Variants in SLC1A3 observed in about 807,000 individuals in gnomAD.
SLC1A3 encodes the protein excitatory amino acid transporter 1.
A neutral mutation model predicts 48.1 loss-of-function variants in SLC1A3; 21 were observed. That is an observed-to-expected ratio of 0.44 (90% CI 0.31 to 0.63). The LOEUF is 0.63. Among genes scored for constraint, SLC1A3 ranks in the 20% least tolerant of loss-of-function variants. The pLI is 0.08. For missense variants in SLC1A3, 546 were observed against 689.0 expected, an observed-to-expected ratio of 0.79 and a Z score of 2.32; for synonymous variants, 239 against 251.4, an observed-to-expected ratio of 0.95 and a Z score of 0.47.
intron 2 of SLC1A3, among the ~76,000 whole-genome samples, chr5:36,611,053 TA>T (rs554359659): frequency 3.9e-5 from 6 of 152,142 alleles, no homozygotes; most frequent in Non-Finnish European, 7.3e-5. Context: ...CCAGTGAATA[TA>T]AAGGCTCTAT....
upstream of SLC1A3, among the ~76,000 whole-genome samples, chr5:36,605,724 T>A (rs1403142341): frequency 6.6e-6 from 1 of 152,184 alleles, no homozygotes; most frequent in East Asian, 1.9e-4. Flanking sequence ...AATTTTTTTT[T>A]ATTTTCTAAT....
chr5:36,676,765 A>G (rs756643948), intron 5 of SLC1A3, 127 bp from the exon 6 acceptor site: 15 of 723,324 alleles, frequency 2.1e-5, no homozygotes, highest in South Asian at 5.7e-5. Flanking sequence ...GAGACTTTCT[A>G]TAACACTCAT....
At chr5:36,637,589 C>A (rs1029764563) in intron 3 of SLC1A3, among the ~76,000 whole-genome samples, 2 of 152,108 alleles carry the variant, frequency 1.3e-5, no homozygotes, top group African/African-American at 4.8e-5. Context: ...GATTTTCCAC[C>A]CTTAAATTAT....
At chr5:36,643,730 C>T (rs561273142) in intron 3 of SLC1A3, among the ~76,000 whole-genome samples, 2 of 152,226 alleles carry the variant, frequency 1.3e-5, no homozygotes, top group South Asian at 4.1e-4. Flanking sequence ...CACGGTGGCT[C>T]ACACCTGTAA....
rs1156283585 is a variant in SLC1A3 at position 36,663,380 on chromosome 5, A to ATTTTTTTT, written c.320-7631_320-7624dup. ...ACAGGCATGCTCCACCACGCCCGGC[A>ATTTTTTTT]TTTTTTTTTTTTTTTTTTTTTTTTT... On this transcript the variant is annotated intron_variant, in intron 3 of 9. Coordinates refer to ENST00000265113, the MANE Select transcript of SLC1A3 (RefSeq NM_004172.5). Among the ~76,000 whole-genome samples, 210 of 69,334 alleles carry ATTTTTTTT rather than the reference A, an allele frequency of 3.0e-3. 1 individual carries two copies. The highest frequency in any genetic ancestry group is 3.8e-3 in the South Asian group (6 of 1,572). 45.5% of individuals were successfully genotyped at this position (69,334 alleles called of 152,430 possible).
At chr5:36,619,443 C>T (rs1306596526) in intron 2 of SLC1A3, among the ~76,000 whole-genome samples, 1 of 152,128 alleles carries the variant, frequency 6.6e-6, no homozygotes, top group Non-Finnish European at 1.5e-5. Flanking sequence ...AGTTTGAGAC[C>T]AGCCTGGGCA....
intron 3 of SLC1A3, among the ~76,000 whole-genome samples, chr5:36,664,245 T>C (rs1274454511): frequency 6.6e-6 from 1 of 152,164 alleles, no homozygotes; most frequent in Non-Finnish European, 1.5e-5. Flanking sequence ...GGGATTCTCC[T>C]GCCTCAGCCT....
At chr5:36,645,220 G>A (rs1311469926) in intron 3 of SLC1A3, among the ~76,000 whole-genome samples, 3 of 151,678 alleles carry the variant, frequency 2.0e-5, no homozygotes, top group Non-Finnish European at 4.4e-5. Flanking sequence ...TATCTGCAAG[G>A]AGAGCCCCTC....
At position 36,612,604 on chromosome 5, in the gene SLC1A3, A is replaced by AAAT. The variant is rs999530005; in HGVS notation, c.181+4022_181+4024dup. 343 of 153,152 alleles carry AAAT rather than the reference A, an allele frequency of 2.2e-3. 1 individual carries two copies. The highest frequency in any genetic ancestry group is 3.2e-3 in the Middle Eastern group (1 of 314). 9.5% of individuals were successfully genotyped at this position (153,152 alleles called of 1,614,324 possible). A position where few individuals can be genotyped will look rare whatever the true frequency, so the allele number is the denominator to read the frequency against. On this transcript the variant is annotated intron_variant, in intron 2 of 9. Coordinates refer to ENST00000265113, the MANE Select transcript of SLC1A3 (RefSeq NM_004172.5). ...ACCCTGTCTCCAAATAAGAAAAAAA[A>AAAT]AATAATAATAATAATAATAATAATG... is the stretch of plus-strand genomic sequence containing the variant.
upstream of SLC1A3, among the ~76,000 whole-genome samples, chr5:36,605,711 A>G (rs1013725328): frequency 2.0e-5 from 3 of 152,206 alleles, no homozygotes; most frequent in Admixed American, 2.0e-4. Flanking sequence ...GTCACCTCAA[A>G]AAAATTTTTT....
intron 5 of SLC1A3, among the ~76,000 whole-genome samples, chr5:36,675,755 A>G (rs1241657244): frequency 1.3e-5 from 2 of 152,186 alleles, no homozygotes; most frequent in Admixed American, 1.3e-4. Context: ...AGTGCTACTA[A>G]CTGTTCATGA....
intron 2 of SLC1A3, among the ~76,000 whole-genome samples, chr5:36,627,540 C>A (rs1430596315): frequency 1.3e-5 from 2 of 151,794 alleles, no homozygotes; most frequent in African/African-American, 4.8e-5. Flanking sequence ...ATATATTCAT[C>A]ATGATATGCT....
At chr5:36,657,472 A>T (rs545439827) in intron 3 of SLC1A3, among the ~76,000 whole-genome samples, 58 of 152,300 alleles carry the variant, frequency 3.8e-4, no homozygotes, top group African/African-American at 1.3e-3. Context: ...ACCTGCAAAG[A>T]TACCTGGTGA....
intron 2 of SLC1A3, among the ~76,000 whole-genome samples, chr5:36,628,913 G>A (rs969816648): frequency 6.6e-6 from 1 of 152,150 alleles, no homozygotes; most frequent in Non-Finnish European, 1.5e-5. Flanking sequence ...TAGACAGAGG[G>A]AGAAAATGTG....
At chr5:36,678,773 G>C (rs1431114091) in intron 6 of SLC1A3, among the ~76,000 whole-genome samples, 2 of 152,162 alleles carry the variant, frequency 1.3e-5, no homozygotes, top group African/African-American at 2.4e-5. Flanking sequence ...TCAGTTTATT[G>C]TCTGCAGAAG....
intron 3 of SLC1A3, among the ~76,000 whole-genome samples, chr5:36,658,882 GT>G (rs1396119635): frequency 6.6e-6 from 1 of 152,084 alleles, no homozygotes; most frequent in Non-Finnish European, 1.5e-5. Context: ...AAGCCACTAT[GT>G]TATGACTCTC....
At chr5:36,673,990 T>G in intron 4 of SLC1A3, 59 bp from the exon 5 acceptor site, 2 of 1,345,500 alleles carry the variant, frequency 1.5e-6, no homozygotes, top group Non-Finnish European at 2.1e-6. Flanking sequence ...TGAAACAGAA[T>G]TTAAGGAGCA....
At chr5:36,611,345 TG>T (rs1259602879) in intron 2 of SLC1A3, among the ~76,000 whole-genome samples, 2 of 123,716 alleles carry the variant, frequency 1.6e-5, no homozygotes, top group African/African-American at 6.0e-5. Context: ...TTGTTTAGAC[TG>T]TTTTTTTTTT....
intron 8 of SLC1A3, 108 bp from the exon 9 acceptor site, chr5:36,683,756 G>A (rs1742533411): frequency 8.3e-7 from 1 of 1,203,802 alleles, no homozygotes. Flanking sequence ...GCGTCCTCTT[G>A]TGTTACATGG....
Sources: gnomAD v4.1 joint callset for allele counts (sites outside exome capture counted in the v4.1 genomes callset) on GRCh38, gnomAD v4.1.1 for gene constraint, MANE v1.5 for transcripts, NCBI Gene and HGNC (gene_info 2026-07-23, HGNC 2026-07-21) for gene names.